The following PPP2R3A variants were observed in gnomAD, a reference collection of about 807,000 sequenced individuals.
PPP2R3A encodes serine/threonine-protein phosphatase 2A regulatory subunit B'' subunit alpha.
A neutral mutation model predicts 106.9 loss-of-function variants in PPP2R3A; 80 were observed. That is an observed-to-expected ratio of 0.75 (90% CI 0.62 to 0.90). The LOEUF is 0.90. Ranked by LOEUF, PPP2R3A falls within the 40% of genes least tolerant of loss-of-function variation. PPP2R3A has a pLI of 0.00. For synonymous variants in PPP2R3A, 483 were observed against 468.3 expected, an observed-to-expected ratio of 1.03 and a Z score of -0.41; for missense variants, 1,386 against 1,350.4, an observed-to-expected ratio of 1.03 and a Z score of -0.41.
At chr3:136,058,733 A>G (rs1285386264) in intron 5 of PPP2R3A, among the ~76,000 whole-genome samples, 1 of 152,236 alleles carries the variant, frequency 6.6e-6, no homozygotes, top group Non-Finnish European at 1.5e-5. Context: ...AGCTGAAGGC[A>G]TCATGCTACC....
intron 3 of PPP2R3A, among the ~76,000 whole-genome samples, chr3:136,031,199 G>T (rs1177098766): frequency 2.0e-5 from 3 of 151,978 alleles, no homozygotes; most frequent in Admixed American, 6.6e-5. Context: ...AGGGGTTAAG[G>T]TTCTTCTTGG....
At chr3:136,027,595 C>G (rs184880364) in intron 3 of PPP2R3A, among the ~76,000 whole-genome samples, 1 of 152,244 alleles carries the variant, frequency 6.6e-6, no homozygotes, top group East Asian at 1.9e-4. Context: ...AATCTTATCC[C>G]CCTAATGTCA....
intron 4 of PPP2R3A, among the ~76,000 whole-genome samples, chr3:136,041,871 CTTCT>C (rs948677127): frequency 6.6e-6 from 1 of 151,878 alleles, no homozygotes; most frequent in African/African-American, 2.4e-5. Flanking sequence ...TTTTTTCTCC[CTTCT>C]TTCTTCTTTA....
At chr3:135,981,927 CA>C (rs1937544229) in intron 1 of PPP2R3A, among the ~76,000 whole-genome samples, 1 of 151,634 alleles carries the variant, frequency 6.6e-6, no homozygotes, top group African/African-American at 2.4e-5. Context: ...TGCATTTAAA[CA>C]GGAAAGCAAT....
intron 1 of PPP2R3A, among the ~76,000 whole-genome samples, chr3:135,993,967 A>G (rs1201809952): frequency 6.6e-6 from 1 of 152,192 alleles, no homozygotes; most frequent in African/African-American, 2.4e-5. Context: ...CCTAGGGATA[A>G]TTTTGCGGTG....
rs774915043 is a variant in PPP2R3A at position 136,001,868 on chromosome 3, A to G, written c.370A>G (p.Ile124Val). The G allele has an allele frequency of 1.2e-6, 2 of 1,614,016 alleles. No homozygotes were observed. Among genetic ancestry groups the G allele is most frequent in the Non-Finnish European group, 8.5e-7 (1 of 1,180,022 alleles). Residue 124 changes from isoleucine to valine, a missense_variant, in exon 2 of 14, where the codon ATA becomes GTA. Transcript: ENST00000264977. ...GEAISFASGK[I>V]KEFSFEKLKN... ...AGCAATCAGTTTTGCCAGTGGGAAA[A>G]TAAAAGAATTTTCCTTTGAAAAACT...
Position 136,145,263 on chromosome 3 carries a change from A to G in PPP2R3A, c.*97A>G. ...TGCATACTGCTTTTTAAAGACTTTGATTTCTCCAAGTGTGTATCATCTGCA... is the reference window on the plus strand; with the variant it reads ...TGCATACTGCTTTTTAAAGACTTTGGTTTCTCCAAGTGTGTATCATCTGCA... On this transcript the variant is annotated 3_prime_UTR_variant, in exon 14 of 14. Transcript: ENST00000264977. 2 of 1,418,128 alleles carry G rather than the reference A, an allele frequency of 1.4e-6. No homozygotes were observed. The highest frequency in any genetic ancestry group is 1.9e-6 in the Non-Finnish European group (2 of 1,065,068). The allele number at this position is 1,418,128 out of a possible 1,614,324, so 87.8% of individuals were successfully genotyped here. A position where few individuals can be genotyped will look rare whatever the true frequency, so the allele number is the denominator to read the frequency against.
intron 1 of PPP2R3A, among the ~76,000 whole-genome samples, chr3:135,975,790 C>T (rs904074574): frequency 6.6e-6 from 1 of 152,072 alleles, no homozygotes; most frequent in African/African-American, 2.4e-5. Context: ...TAATTAAAAA[C>T]TGCCAAATTG....
intron 10 of PPP2R3A, among the ~76,000 whole-genome samples, chr3:136,093,126 TG>T (rs1343395418): frequency 6.6e-6 from 1 of 151,956 alleles, no homozygotes; most frequent in Non-Finnish European, 1.5e-5. Context: ...TTTAAATTTT[TG>T]GCTGGATGTG....
intron 5 of PPP2R3A, among the ~76,000 whole-genome samples, chr3:136,067,262 C>T (rs1342365542): frequency 6.6e-6 from 1 of 152,120 alleles, no homozygotes; most frequent in African/African-American, 2.4e-5. Flanking sequence ...CCACTTCTGA[C>T]CAAGAAGGAC....
chr3:136,137,533 G>GTTTTTTTTTTTTTTTTTTTTTTT, intron 13 of PPP2R3A, among the ~76,000 whole-genome samples: 1 of 38,440 alleles, frequency 2.6e-5, no homozygotes, highest in Non-Finnish European at 6.0e-5. Context: ...CTCTGTCAGA[G>GTTTTTTTTTTTTTTTTTTTTTTT]ATTTTTTTTT....
chr3:136,050,675 C>A (rs1041858670), intron 5 of PPP2R3A, among the ~76,000 whole-genome samples: 1 of 152,164 alleles, frequency 6.6e-6, no homozygotes, highest in Non-Finnish European at 1.5e-5. Flanking sequence ...CAGCAGGGTC[C>A]CTTTGCTCCT....
chr3:136,030,200 A>T (rs1406688298), intron 3 of PPP2R3A, among the ~76,000 whole-genome samples: 1 of 150,860 alleles, frequency 6.6e-6, no homozygotes, highest in African/African-American at 2.5e-5. Flanking sequence ...CCTGGGTGAC[A>T]GAGTGAGAAC....
Position 136,040,858 on chromosome 3 carries a change from G to T in PPP2R3A, c.2263-1G>T. 6.8e-6 allele frequency: 11 copies of T among 1,610,686 alleles called. No individual in the cohort carries two copies. The highest frequency in any genetic ancestry group is 9.3e-6 in the Non-Finnish European group (11 of 1,178,606). On this transcript the variant is annotated splice_acceptor_variant, in intron 3 of 13. Transcript: ENST00000264977. LOFTEE classifies it high-confidence loss of function. ...ACCCTGTATGTGTTTTCTATTTGCA[G>T]GTCTGTGGCTGTCCTCTCTATTGGA...
chr3:136,046,548 T>C (rs1935477304), intron 4 of PPP2R3A, among the ~76,000 whole-genome samples: 1 of 151,714 alleles, frequency 6.6e-6, no homozygotes, highest in Non-Finnish European at 1.5e-5. Flanking sequence ...ATACTCAGCT[T>C]GCACCACAGT....
At chr3:135,988,869 A>G (rs920827841) in intron 1 of PPP2R3A, among the ~76,000 whole-genome samples, 1 of 152,150 alleles carries the variant, frequency 6.6e-6, no homozygotes, top group African/African-American at 2.4e-5. Flanking sequence ...TCCATCAATG[A>G]TGCTACAGTC....
intron 1 of PPP2R3A, among the ~76,000 whole-genome samples, 160 bp from the exon 2 acceptor site, chr3:136,000,899 A>G (rs752234874): frequency 6.6e-6 from 1 of 152,214 alleles, no homozygotes; most frequent in Non-Finnish European, 1.5e-5. Flanking sequence ...AATAAGGAGT[A>G]TAAGGTGTGA....
At chr3:135,975,749 G>C (rs564190612) in intron 1 of PPP2R3A, among the ~76,000 whole-genome samples, 1 of 152,076 alleles carries the variant, frequency 6.6e-6, no homozygotes, top group Non-Finnish European at 1.5e-5. Context: ...AGGTGGAATT[G>C]CTGAGTCATA....
intron 2 of PPP2R3A, among the ~76,000 whole-genome samples, chr3:136,023,960 T>G (rs1448991031): frequency 6.6e-6 from 1 of 152,124 alleles, no homozygotes; most frequent in African/African-American, 2.4e-5. Context: ...AAACCATAGT[T>G]TTATGGTTAT....
Sources: gnomAD v4.1 joint callset for allele counts (sites outside exome capture counted in the v4.1 genomes callset) on GRCh38, gnomAD v4.1.1 for gene constraint, MANE v1.5 for transcripts, NCBI Gene and HGNC (gene_info 2026-07-23, HGNC 2026-07-21) for gene names.